ESYT2: variants seen among roughly 807,000 people sequenced by gnomAD.
The protein encoded by ESYT2 is extended synaptotagmin 2.
A neutral mutation model predicts 107.2 loss-of-function variants in ESYT2; 54 were observed. That is an observed-to-expected ratio of 0.50 (90% CI 0.40 to 0.63). The LOEUF (loss-of-function observed/expected upper bound fraction) is 0.63, where lower values mean the gene tolerates loss of function less well. Among genes scored for constraint, ESYT2 ranks in the 30% least tolerant of loss-of-function variants. The pLI is 0.00. For synonymous variants in ESYT2, 491 were observed against 434.1 expected, an observed-to-expected ratio of 1.13 and a Z score of -1.63; for missense variants, 1,020 against 1,094.5, an observed-to-expected ratio of 0.93 and a Z score of 0.96.
At chr7:158,747,321 CCAT>C in intron 16 of ESYT2, among the ~76,000 whole-genome samples, 1 of 151,736 alleles carries the variant, frequency 6.6e-6, no homozygotes, top group Non-Finnish European at 1.5e-5. Context: ...ACTCCAGCCT[CCAT>C]GACAGAGTGA....
At chr7:158,766,469 A>C (rs2129472299) in intron 8 of ESYT2, among the ~76,000 whole-genome samples, 1 of 152,302 alleles carries the variant, frequency 6.6e-6, no homozygotes, top group Non-Finnish European at 1.5e-5. Context: ...TCAGAAGTTA[A>C]GGAAAAAAGA....
At chr7:158,816,775 A>C (rs190532815) in intron 1 of ESYT2, among the ~76,000 whole-genome samples, 133 of 152,334 alleles carry the variant, frequency 8.7e-4, no homozygotes, top group Non-Finnish European at 1.5e-3. Flanking sequence ...GATTAAGTAA[A>C]ATCAATTCTT....
intron 1 of ESYT2, among the ~76,000 whole-genome samples, chr7:158,802,665 A>G (rs776960978): frequency 1.4e-4 from 22 of 152,242 alleles, no homozygotes; most frequent in Non-Finnish European, 2.9e-4. Flanking sequence ...TTCCATTAAC[A>G]TTAGTAACAC....
At chr7:158,762,175 G>A (rs1381762816) in intron 10 of ESYT2, among the ~76,000 whole-genome samples, 3 of 152,042 alleles carry the variant, frequency 2.0e-5, no homozygotes, top group African/African-American at 7.2e-5. Flanking sequence ...AACTAGATGG[G>A]ATGATTATAC....
chr7:158,734,236 C>A lies in ESYT2; in HGVS notation c.2572G>T (p.Asp858Tyr). The change falls in exon 23 of 23, where the codon GAT (aspartate) becomes TAT (tyrosine). Residue 858 changes from aspartate (D) to tyrosine (Y), a missense_variant. Transcript: ENST00000275418. ...GTCATCGCCTGAGGCCTCGTCCCAT[C>A]TTCCGTGAGGTCATACCTGAGAAAG... ...GWTQWYDLTEDGTRPQAMT is the reference protein window; with the variant it reads ...GWTQWYDLTEYGTRPQAMT 1 of 1,614,140 alleles carries A rather than the reference C, an allele frequency of 6.2e-7. No individual in the cohort carries two copies. Among genetic ancestry groups the A allele is most frequent in the Non-Finnish European group, 8.5e-7 (1 of 1,180,040 alleles).
Position 158,797,927 on chromosome 7 carries a change from TAAGAG to T in ESYT2, c.507+10_507+14del. ...CTGACTGTGTGCACGTGAGGATACT[TAAGAG>T]AACACTGACCTGCTGGCCCACGTCG... is the stretch of plus-strand genomic sequence containing the variant. On this transcript the variant is annotated intron_variant, in intron 3 of 22. Transcript: ENST00000275418. The T allele has an allele frequency of 6.2e-7, 1 of 1,612,890 alleles. No homozygotes were observed. Among genetic ancestry groups the T allele is most frequent in the Non-Finnish European group, 8.5e-7 (1 of 1,179,638 alleles).
chr7:158,797,420 C>G (rs1839496508), intron 3 of ESYT2, among the ~76,000 whole-genome samples: 1 of 152,098 alleles, frequency 6.6e-6, no homozygotes, highest in South Asian at 2.1e-4. Flanking sequence ...GCATGAGCCA[C>G]TGCTTCCAGC....
intron 8 of ESYT2, among the ~76,000 whole-genome samples, chr7:158,765,485 G>A (rs1191103160): frequency 2.0e-5 from 3 of 152,180 alleles, no homozygotes; most frequent in African/African-American, 7.2e-5. Context: ...TGTGATCACA[G>A]CACTTTGGAA....
chr7:158,779,569 C>G (rs572157467), intron 6 of ESYT2, among the ~76,000 whole-genome samples: 1 of 152,300 alleles, frequency 6.6e-6, no homozygotes, highest in South Asian at 2.1e-4. Context: ...TTGCCTTTCA[C>G]AACTAGATAA....
chr7:158,803,291 T>C (rs778411132), intron 1 of ESYT2, among the ~76,000 whole-genome samples: 2 of 152,248 alleles, frequency 1.3e-5, no homozygotes, highest in Non-Finnish European at 2.9e-5. Flanking sequence ...GCGGGTAGCT[T>C]TGTTTCCTTG....
Position 158,741,910 on chromosome 7 carries a change from T to C in ESYT2, c.1795-14A>G, listed in dbSNP as rs1372828309. ...GAGATGGAGCACCTAGAGGTGGACA[T>C]AAACATAAAAATTAAACTTGGTGAC... is the stretch of plus-strand genomic sequence containing the variant. On this transcript the variant is annotated splice_polypyrimidine_tract_variant and intron_variant, in intron 17 of 22. Transcript: ENST00000275418. 2 of 1,558,108 alleles carry C rather than the reference T, an allele frequency of 1.3e-6. No homozygotes were observed. The highest frequency in any genetic ancestry group is 1.7e-6 in the Non-Finnish European group (2 of 1,154,480).
intron 1 of ESYT2, among the ~76,000 whole-genome samples, chr7:158,802,309 T>TG (rs1309027208): frequency 2.0e-5 from 3 of 152,056 alleles, no homozygotes; most frequent in Non-Finnish European, 4.4e-5. Flanking sequence ...TTTTTTGAGA[T>TG]GGAGTCTAAC....
chr7:158,741,445 G>A (rs890766450), intron 18 of ESYT2, 78 bp downstream of exon 18: 10 of 1,483,618 alleles, frequency 6.7e-6, no homozygotes, highest in African/African-American at 4.4e-5. Flanking sequence ...GCTCTGCTGC[G>A]TTAAACGACT....
chr7:158,740,121 G>C (rs59345485), intron 18 of ESYT2, among the ~76,000 whole-genome samples: 36,122 of 152,192 alleles, frequency 0.24, 5,166 homozygotes, highest in East Asian at 0.59. Flanking sequence ...TTTGACTGAC[G>C]AGAGGCTGAT....
At chr7:158,774,947 G>A (rs1838498648) in intron 6 of ESYT2, among the ~76,000 whole-genome samples, 1 of 152,160 alleles carries the variant, frequency 6.6e-6, no homozygotes, top group Non-Finnish European at 1.5e-5. Context: ...ATTAGATGAG[G>A]CCATTGTAGT....
At chr7:158,784,003 C>T (rs1191229075) in intron 6 of ESYT2, among the ~76,000 whole-genome samples, 1 of 152,108 alleles carries the variant, frequency 6.6e-6, no homozygotes, top group African/African-American at 2.4e-5. Flanking sequence ...ACCTCTATTG[C>T]TGGGGCAGGT....
chr7:158,747,747 T>C (rs1587383243), intron 16 of ESYT2, among the ~76,000 whole-genome samples: 1 of 152,222 alleles, frequency 6.6e-6, no homozygotes, highest in Non-Finnish European at 1.5e-5. Context: ...GTATGTGATA[T>C]TCACAGCAGA....
At chr7:158,738,777 A>G (rs1587367764) in intron 19 of ESYT2, among the ~76,000 whole-genome samples, 1 of 152,350 alleles carries the variant, frequency 6.6e-6, no homozygotes, top group Non-Finnish European at 1.5e-5. Flanking sequence ...AAACACATAA[A>G]AGGTACAGTA....
At chr7:158,788,152 C>A in intron 5 of ESYT2, 59 bp from the exon 6 acceptor site, 4 of 1,441,158 alleles carry the variant, frequency 2.8e-6, no homozygotes, top group Non-Finnish European at 3.9e-6. Context: ...GGCCGCTTAA[C>A]GCAAGGAGTT....
Sources: gnomAD v4.1 joint callset for allele counts (sites outside exome capture counted in the v4.1 genomes callset) on GRCh38, gnomAD v4.1.1 for gene constraint, MANE v1.5 for transcripts, NCBI Gene and HGNC (gene_info 2026-07-23, HGNC 2026-07-21) for gene names.